Variants in GPC5 observed in about 807,000 individuals in gnomAD.
GPC5 encodes the protein glypican-5.
A neutral mutation model predicts 53.9 loss-of-function variants in GPC5; 47 were observed. The observed-to-expected ratio is 0.87, with a 90% CI of 0.69 to 1.11. The LOEUF (loss-of-function observed/expected upper bound fraction) is 1.11. Among genes scored for constraint, GPC5 ranks in the 50% most tolerant of loss-of-function variants. The probability of loss-of-function intolerance (pLI) is 0.00; values close to 1 mark genes in which losing one functional copy is unlikely to be tolerated. For missense variants in GPC5, 748 were observed against 713.1 expected, an observed-to-expected ratio of 1.05 and a Z score of -0.56; for synonymous variants, 286 against 263.3, an observed-to-expected ratio of 1.09 and a Z score of -0.84.
intron 5 of GPC5, among the ~76,000 whole-genome samples, chr13:91,803,603 C>T (rs1238372931): frequency 6.6e-6 from 1 of 152,082 alleles, no homozygotes; most frequent in Non-Finnish European, 1.5e-5. Flanking sequence ...AAAAGGTGTG[C>T]GTGTTACCCA....
Position 92,476,695 on chromosome 13 carries a change from C to T in GPC5, c.1561+331706C>T, listed in dbSNP as rs1031065013. 1.9e-4 allele frequency among the ~76,000 whole-genome samples: 29 copies of T among 149,078 alleles called. 1 individual carries two copies. The highest frequency in any genetic ancestry group is 7.3e-4 in the African/African-American group (29 of 39,522). ...TTAAGAAAATGTGGCGCATATACAC[C>T]ATGGAATACTATGCAGCCATAAAAA... is the stretch of plus-strand genomic sequence containing the variant. On this transcript the variant is annotated intron_variant, in intron 7 of 7. Transcript: ENST00000377067.
intron 6 of GPC5, among the ~76,000 whole-genome samples, chr13:91,982,573 A>G (rs2040369094): frequency 6.6e-6 from 1 of 152,198 alleles, no homozygotes; most frequent in Non-Finnish European, 1.5e-5. Flanking sequence ...AGAGTGAGTG[A>G]AAGACGAAAA....
At chr13:92,822,559 T>G (rs1047159506) in intron 7 of GPC5, among the ~76,000 whole-genome samples, 3 of 152,120 alleles carry the variant, frequency 2.0e-5, no homozygotes, top group Non-Finnish European at 4.4e-5. Flanking sequence ...AACAGGGAGC[T>G]TGACAGAAAC....
intron 1 of GPC5, among the ~76,000 whole-genome samples, chr13:91,418,744 G>C (rs966894018): frequency 1.3e-5 from 2 of 152,078 alleles, no homozygotes; most frequent in Non-Finnish European, 2.9e-5. Context: ...TTTTAAAAAA[G>C]ACCTTTCTGT....
intron 6 of GPC5, among the ~76,000 whole-genome samples, chr13:92,053,726 T>C (rs1977398): frequency 0.56 from 84,672 of 151,810 alleles, 23,948 homozygotes; most frequent in East Asian, 0.79. Flanking sequence ...CATTGCCTTA[T>C]GGAATTAAAA....
chr13:92,556,236 A>G (rs530802572), intron 7 of GPC5, among the ~76,000 whole-genome samples: 1 of 151,886 alleles, frequency 6.6e-6, no homozygotes, highest in South Asian at 2.1e-4. Context: ...ACCCTGTAAA[A>G]CAATGTATAC....
intron 7 of GPC5, among the ~76,000 whole-genome samples, chr13:92,593,226 G>GA (rs1181570279): frequency 1.3e-5 from 2 of 151,196 alleles, no homozygotes; most frequent in Non-Finnish European, 3.0e-5. Context: ...GACATAAGGA[G>GA]AAAAGATGAC....
intron 1 of GPC5, among the ~76,000 whole-genome samples, chr13:91,405,022 C>G (rs1338449821): frequency 6.6e-6 from 1 of 152,146 alleles, no homozygotes. Flanking sequence ...AGTGGCTGTA[C>G]AGTATTGGAT....
chr13:92,499,746 T>G (rs904794764), intron 7 of GPC5, among the ~76,000 whole-genome samples: 1 of 152,144 alleles, frequency 6.6e-6, no homozygotes, highest in African/African-American at 2.4e-5. Flanking sequence ...GCTAACTCGG[T>G]AGGGAAATAT....
chr13:92,215,298 C>T (rs570466966), intron 7 of GPC5, among the ~76,000 whole-genome samples: 6 of 152,222 alleles, frequency 3.9e-5, no homozygotes, highest in Admixed American at 3.9e-4. Context: ...AATATTTTTT[C>T]CATCTTTTTA....
intron 5 of GPC5, among the ~76,000 whole-genome samples, chr13:91,770,023 C>CTACA (rs2037593212): frequency 6.6e-6 from 1 of 152,188 alleles, no homozygotes; most frequent in Admixed American, 6.5e-5. Flanking sequence ...TGCACAACTT[C>CTACA]CATATGACTT....
intron 7 of GPC5, among the ~76,000 whole-genome samples, chr13:92,780,646 C>T (rs1304883034): frequency 6.6e-6 from 1 of 151,764 alleles, no homozygotes; most frequent in Non-Finnish European, 1.5e-5. Flanking sequence ...AGATTATACC[C>T]ACTTAGAAGA....
chr13:92,166,864 T>C (rs2042031218), intron 7 of GPC5, among the ~76,000 whole-genome samples: 1 of 151,712 alleles, frequency 6.6e-6, no homozygotes, highest in African/African-American at 2.4e-5. Context: ...ATAATAGCTT[T>C]GGTTCTGTTG....
At chr13:91,793,634 T>C (rs1412974482) in intron 5 of GPC5, among the ~76,000 whole-genome samples, 1 of 152,072 alleles carries the variant, frequency 6.6e-6, no homozygotes, top group African/African-American at 2.4e-5. Context: ...ATAAAGAAAC[T>C]ACCTGAGACT....
At chr13:92,741,815 C>T (rs1889104008) in intron 7 of GPC5, among the ~76,000 whole-genome samples, 1 of 152,042 alleles carries the variant, frequency 6.6e-6, no homozygotes, top group Non-Finnish European at 1.5e-5. Context: ...CAATTCCCGC[C>T]TATGAGTAAG....
At chr13:92,801,539 G>C (rs955376062) in intron 7 of GPC5, among the ~76,000 whole-genome samples, 2 of 151,602 alleles carry the variant, frequency 1.3e-5, no homozygotes, top group Non-Finnish European at 2.9e-5. Context: ...TTATTTTAGA[G>C]TGTACTCCTT....
chr13:91,791,928 C>T (rs146615851), intron 5 of GPC5, among the ~76,000 whole-genome samples: 62 of 152,246 alleles, frequency 4.1e-4, no homozygotes, highest in African/African-American at 1.4e-3. Flanking sequence ...ATATTCATAA[C>T]GCTAATATGA....
intron 5 of GPC5, among the ~76,000 whole-genome samples, chr13:91,863,876 C>T (rs2039056902): frequency 6.6e-6 from 1 of 152,052 alleles, no homozygotes; most frequent in Admixed American, 6.6e-5. Flanking sequence ...AGTTAGTTTC[C>T]ATTACATAAA....
chr13:91,576,274 T>A (rs1196333263), intron 2 of GPC5, among the ~76,000 whole-genome samples: 3 of 151,404 alleles, frequency 2.0e-5, no homozygotes, highest in Non-Finnish European at 2.9e-5. Context: ...ACAAAAAAAA[T>A]GATTAATACA....
Sources: gnomAD v4.1 joint callset for allele counts (sites outside exome capture counted in the v4.1 genomes callset) on GRCh38, gnomAD v4.1.1 for gene constraint, MANE v1.5 for transcripts, NCBI Gene and HGNC (gene_info 2026-07-23, HGNC 2026-07-21) for gene names.